Variants in YPEL2 observed in about 807,000 individuals in gnomAD.
The protein encoded by YPEL2 is yippee like 2.
YPEL2 carries 2 observed loss-of-function variants against 19.1 expected under a neutral mutation model. That is an observed-to-expected ratio of 0.10 (90% CI 0.04 to 0.33). The LOEUF is 0.33. Among genes scored for constraint, YPEL2 ranks in the 10% least tolerant of loss-of-function variants. The pLI is 1.00. For synonymous variants in YPEL2, 52 were observed against 50.0 expected (o/e 1.04, Z -0.17); for missense variants, 66 against 140.7 (o/e 0.47, Z 2.68).
intron 2 of YPEL2, among the ~76,000 whole-genome samples, chr17:59,381,698 T>A (rs1296368942): frequency 6.6e-6 from 1 of 152,108 alleles, no homozygotes; most frequent in East Asian, 1.9e-4. Flanking sequence ...GAACTATTAC[T>A]TTACTTTAAA....
chr17:59,336,168 A>G (rs2047697856), intron 1 of YPEL2, among the ~76,000 whole-genome samples: 1 of 152,214 alleles, frequency 6.6e-6, no homozygotes, highest in African/African-American at 2.4e-5. Flanking sequence ...AGGAGGAAAT[A>G]TACTTTAAGA....
chr17:59,383,634 ATATATATATATATATATG>A (rs2047965482), intron 2 of YPEL2, among the ~76,000 whole-genome samples: 2 of 111,470 alleles, frequency 1.8e-5, no homozygotes, highest in African/African-American at 6.7e-5. Context: ...ATATATATAT[ATATATATATATATATATG>A]GTCTAATAGT....
At chr17:59,357,059 G>A (rs888562605) in intron 2 of YPEL2, among the ~76,000 whole-genome samples, 2 of 152,184 alleles carry the variant, frequency 1.3e-5, no homozygotes, top group Non-Finnish European at 2.9e-5. Flanking sequence ...TGTGGAGTGG[G>A]CATGCCTCAC....
intron 1 of YPEL2, among the ~76,000 whole-genome samples, chr17:59,332,414 T>C (rs1017164323): frequency 1.3e-5 from 2 of 152,092 alleles, no homozygotes; most frequent in African/African-American, 2.4e-5. Context: ...CCTGGCCGCG[T>C]CTCGGCGCCT....
chr17:59,351,324 G>A lies in YPEL2; in HGVS notation c.-195-1891G>A, dbSNP rs140876868. ...CGGGAGGCGGAGGTTGCCGTGAGCC[G>A]AGATCATGCCACTGTACTCCAGCCT... On this transcript the variant is annotated intron_variant, in intron 1 of 4. Coordinates refer to ENST00000312655, the MANE Select transcript of YPEL2 (RefSeq NM_001005404.4). 2.0e-3 allele frequency among the ~76,000 whole-genome samples: 307 copies of A among 152,172 alleles called. 2 individuals carry two copies. Among genetic ancestry groups the A allele is most frequent in the African/African-American group, 7.0e-3 (289 of 41,516 alleles).
At chr17:59,366,835 C>A (rs1031961041) in intron 2 of YPEL2, among the ~76,000 whole-genome samples, 2 of 152,144 alleles carry the variant, frequency 1.3e-5, no homozygotes, top group African/African-American at 4.8e-5. Flanking sequence ...AAGCTCGAAG[C>A]CCCCATATTT....
intron 4 of YPEL2, among the ~76,000 whole-genome samples, 197 bp from the exon 5 acceptor site, chr17:59,396,904 G>T (rs1314014380): frequency 6.6e-6 from 1 of 152,100 alleles, no homozygotes; most frequent in Non-Finnish European, 1.5e-5. Flanking sequence ...GGTGGTGGGT[G>T]CCTGTAATCC....
intron 1 of YPEL2, among the ~76,000 whole-genome samples, chr17:59,340,029 C>A (rs1052463389): frequency 6.6e-6 from 1 of 151,834 alleles, no homozygotes; most frequent in African/African-American, 2.4e-5. Flanking sequence ...CAGACATGGT[C>A]TCATGTCTGA....
chr17:59,334,191 C>T lies in YPEL2; in HGVS notation c.-196+2367C>T, dbSNP rs917669649. Among the ~76,000 whole-genome samples, 3 of 152,210 alleles carry T rather than the reference C, an allele frequency of 2.0e-5. No individual in the cohort carries two copies. The East Asian group carries it at 5.8e-4, about 29-fold the overall frequency. On this transcript the variant is annotated intron_variant, in intron 1 of 4. Coordinates refer to ENST00000312655, the MANE Select transcript of YPEL2 (RefSeq NM_001005404.4). ...AGATGTGAGTAGTGCCGATGAGTTG[C>T]GTGAGTTGCTGTGCTGTTCATAGAT...
chr17:59,340,194 A>AC (rs951875337), intron 1 of YPEL2, among the ~76,000 whole-genome samples: 8 of 143,758 alleles, frequency 5.6e-5, no homozygotes, highest in African/African-American at 1.0e-4. Context: ...TGCAATCTCC[A>AC]CCCCCCCAGG....
intron 1 of YPEL2, among the ~76,000 whole-genome samples, chr17:59,332,574 T>C (rs1482610129): frequency 6.6e-6 from 1 of 151,948 alleles, no homozygotes; most frequent in Non-Finnish European, 1.5e-5. Context: ...GCCGACCTCC[T>C]CTGGTGTCTT....
intron 2 of YPEL2, among the ~76,000 whole-genome samples, chr17:59,386,034 G>A (rs2047978282): frequency 6.6e-6 from 1 of 152,110 alleles, no homozygotes; most frequent in Non-Finnish European, 1.5e-5. Context: ...TAAGGCAAAG[G>A]AAAACAGGCC....
chr17:59,358,926 C>CTT (rs35109375), intron 2 of YPEL2, among the ~76,000 whole-genome samples: 25 of 115,280 alleles, frequency 2.2e-4, no homozygotes, highest in African/African-American at 6.8e-4. Context: ...TTTCCTTTTT[C>CTT]TTTTTTTTTT....
intron 2 of YPEL2, among the ~76,000 whole-genome samples, chr17:59,375,876 G>T (rs934291569): frequency 1.3e-5 from 2 of 152,200 alleles, no homozygotes; most frequent in Non-Finnish European, 2.9e-5. Flanking sequence ...CAGAGAGACA[G>T]ACTTTTCCAG....
chr17:59,346,911 G>A (rs752827595), intron 1 of YPEL2, among the ~76,000 whole-genome samples: 3 of 152,170 alleles, frequency 2.0e-5, no homozygotes, highest in East Asian at 3.9e-4. Context: ...AAGTGCAAGC[G>A]TGGTGTACTG....
intron 1 of YPEL2, among the ~76,000 whole-genome samples, chr17:59,341,701 G>T (rs2047732166): frequency 6.6e-6 from 1 of 152,164 alleles, no homozygotes; most frequent in East Asian, 1.9e-4. Flanking sequence ...CAGGCTGCGT[G>T]CATTTGCTGG....
intron 2 of YPEL2, among the ~76,000 whole-genome samples, chr17:59,373,235 C>T (rs1387785843): frequency 2.0e-5 from 3 of 152,150 alleles, no homozygotes; most frequent in Non-Finnish European, 1.5e-5. Flanking sequence ...TGTTATTCTC[C>T]GTAGGAAAGA....
chr17:59,334,600 A>G (rs2047689916), intron 1 of YPEL2, among the ~76,000 whole-genome samples: 1 of 150,308 alleles, frequency 6.7e-6, no homozygotes, highest in Admixed American at 6.6e-5. Flanking sequence ...ACACACACAC[A>G]CACACACGCC....
chr17:59,388,495 T>TC, intron 3 of YPEL2, 125 bp downstream of exon 3: 1 of 964,592 alleles, frequency 1.0e-6, no homozygotes, highest in Non-Finnish European at 1.7e-6. Context: ...CTGTGGAGCA[T>TC]TACTGTCCAC....
Sources: allele counts gnomAD v4.1 joint callset (sites outside exome capture counted in the v4.1 genomes callset), GRCh38; gene constraint gnomAD v4.1.1; transcripts MANE v1.5; gene names NCBI Gene and HGNC (gene_info 2026-07-23, HGNC 2026-07-21).